Variants in CLDN10 observed in about 807,000 individuals in gnomAD.
CLDN10 encodes the protein claudin-10.
CLDN10 carries 15 observed loss-of-function variants against 22.9 expected under a neutral mutation model. The ratio of observed to expected loss-of-function variants is 0.65; its 90% CI spans 0.44 to 1.01. The LOEUF is 1.01. CLDN10 is among the 50% of genes least tolerant of loss of function. CLDN10 has a pLI of 0.00. For synonymous variants in CLDN10, 114 were observed against 111.4 expected (o/e 1.02, Z -0.15); for missense variants, 247 against 287.8 (o/e 0.86, Z 1.03).
chr13:95,464,260 A>G (rs917185658), intron 1 of CLDN10, among the ~76,000 whole-genome samples: 5 of 150,480 alleles, frequency 3.3e-5, no homozygotes, highest in African/African-American at 1.2e-4. Context: ...GCCTTCCCCC[A>G]CCCCACAACA....
chr13:95,521,323 A>T (rs968789658), intron 1 of CLDN10, among the ~76,000 whole-genome samples: 1 of 152,202 alleles, frequency 6.6e-6, no homozygotes, highest in African/African-American at 2.4e-5. Flanking sequence ...GGGGATGTGT[A>T]TCTACTTTCA....
chr13:95,469,312 TA>T (rs2042609153), intron 1 of CLDN10, among the ~76,000 whole-genome samples: 1 of 152,208 alleles, frequency 6.6e-6, no homozygotes, highest in African/African-American at 2.4e-5. Context: ...ACTATTAACC[TA>T]AGTTTCTGCG....
chr13:95,568,324 C>T (rs1391798260), intron 3 of CLDN10, among the ~76,000 whole-genome samples: 1 of 152,160 alleles, frequency 6.6e-6, no homozygotes, highest in Non-Finnish European at 1.5e-5. Context: ...AGAAATAGTG[C>T]AGGCCACCTC....
chr13:95,458,923 T>C (rs1205997700), intron 1 of CLDN10, among the ~76,000 whole-genome samples: 1 of 152,198 alleles, frequency 6.6e-6, no homozygotes, highest in African/African-American at 2.4e-5. Context: ...AGTTAGTTAC[T>C]TCTGAGATGC....
intron 1 of CLDN10, among the ~76,000 whole-genome samples, chr13:95,537,444 C>T (rs2138617486): frequency 6.6e-6 from 1 of 152,110 alleles, no homozygotes; most frequent in East Asian, 1.9e-4. Flanking sequence ...AGCTTGAGTC[C>T]CACCATAATT....
At chr13:95,478,223 G>A (rs1479666645) in intron 1 of CLDN10, among the ~76,000 whole-genome samples, 3 of 152,168 alleles carry the variant, frequency 2.0e-5, no homozygotes, top group Admixed American at 6.5e-5. Context: ...CATGAGAATC[G>A]CTTGAGCCCA....
At chr13:95,535,239 G>A (rs1594594911) in intron 1 of CLDN10, among the ~76,000 whole-genome samples, 1 of 152,102 alleles carries the variant, frequency 6.6e-6, no homozygotes, top group Admixed American at 6.6e-5. Flanking sequence ...GGTTTTAAAG[G>A]GGTAAAGAAA....
chr13:95,437,944 A>G (rs916939606), intron 1 of CLDN10, among the ~76,000 whole-genome samples: 1 of 152,254 alleles, frequency 6.6e-6, no homozygotes, highest in African/African-American at 2.4e-5. Flanking sequence ...CCAGAACTTC[A>G]CAATGCTTCG....
intron 1 of CLDN10, among the ~76,000 whole-genome samples, chr13:95,442,633 G>A (rs775979949): frequency 5.3e-5 from 8 of 152,208 alleles, no homozygotes; most frequent in Non-Finnish European, 1.0e-4. Flanking sequence ...GCTCCTACAA[G>A]CTCAGGGTGT....
At chr13:95,571,340 T>TAAAGA (rs1433142740) in intron 3 of CLDN10, among the ~76,000 whole-genome samples, 8 of 152,280 alleles carry the variant, frequency 5.3e-5, no homozygotes, top group African/African-American at 1.7e-4. Context: ...TTATTTTAGG[T>TAAAGA]TTCCTAAATG....
intron 1 of CLDN10, among the ~76,000 whole-genome samples, chr13:95,559,177 A>G (rs1275366730): frequency 6.6e-6 from 1 of 152,214 alleles, no homozygotes; most frequent in Non-Finnish European, 1.5e-5. Flanking sequence ...ATGTGCTACT[A>G]TCACTATTTT....
chr13:95,444,732 T>G (rs2042355998), intron 1 of CLDN10, among the ~76,000 whole-genome samples: 1 of 152,176 alleles, frequency 6.6e-6, no homozygotes, highest in South Asian at 2.1e-4. Flanking sequence ...ACATTTGAGC[T>G]CCCTCATCTA....
intron 1 of CLDN10, among the ~76,000 whole-genome samples, chr13:95,525,835 T>C (rs1371946082): frequency 6.6e-6 from 1 of 152,154 alleles, no homozygotes; most frequent in African/African-American, 2.4e-5. Flanking sequence ...GGGCTGTTAT[T>C]GACTGCAGAA....
chr13:95,523,418 ATCCGT>A (rs1191573321), intron 1 of CLDN10, among the ~76,000 whole-genome samples: 1 of 152,110 alleles, frequency 6.6e-6, no homozygotes, highest in Non-Finnish European at 1.5e-5. Context: ...TGTTATTATC[ATCCGT>A]TTAAGTTTAC....
Position 95,562,160 on chromosome 13 carries a change from G to T in CLDN10, c.464+1697G>T, listed in dbSNP as rs536730866. Among the ~76,000 whole-genome samples, 431 of 151,558 alleles carry T rather than the reference G, an allele frequency of 2.8e-3. 2 individuals are homozygous for T. The highest frequency in any genetic ancestry group is 1.0e-2 in the African/African-American group (411 of 41,282). Reference sequence around the variant, plus strand: ...TTGGCCAGGCTGGTCTCGAACTCCTGACCTCAGGTGATCCACCCGCCTCAG... The same window carrying T: ...TTGGCCAGGCTGGTCTCGAACTCCTTACCTCAGGTGATCCACCCGCCTCAG... On this transcript the variant is annotated intron_variant, in intron 3 of 4. Coordinates refer to ENST00000299339, the MANE Select transcript of CLDN10 (RefSeq NM_006984.5).
At chr13:95,531,538 C>T (rs1406493067) in intron 1 of CLDN10, among the ~76,000 whole-genome samples, 3 of 151,566 alleles carry the variant, frequency 2.0e-5, no homozygotes, top group African/African-American at 7.3e-5. Flanking sequence ...CTCAGTATTA[C>T]CTTTTTTTTT....
At chr13:95,448,804 A>T (rs1011204711) in intron 1 of CLDN10, among the ~76,000 whole-genome samples, 1 of 150,740 alleles carries the variant, frequency 6.6e-6, no homozygotes, top group Non-Finnish European at 1.5e-5. Flanking sequence ...CAGTGGCACG[A>T]TCTCGGCTCA....
chr13:95,532,615 C>T (rs1328943137), intron 1 of CLDN10, among the ~76,000 whole-genome samples: 1 of 151,790 alleles, frequency 6.6e-6, no homozygotes, highest in Non-Finnish European at 1.5e-5. Flanking sequence ...CACTTACCCT[C>T]CCACCCAGTA....
intron 1 of CLDN10, among the ~76,000 whole-genome samples, chr13:95,439,865 T>C (rs1486496229): frequency 6.6e-6 from 1 of 151,816 alleles, no homozygotes; most frequent in African/African-American, 2.4e-5. Flanking sequence ...TGAAAACAAA[T>C]TACCATGTCA....
Sources: gnomAD v4.1 joint callset for allele counts (sites outside exome capture counted in the v4.1 genomes callset) on GRCh38, gnomAD v4.1.1 for gene constraint, MANE v1.5 for transcripts, NCBI Gene and HGNC (gene_info 2026-07-23, HGNC 2026-07-21) for gene names.